CCDC73: variants seen among roughly 807,000 people sequenced by gnomAD.
CCDC73 encodes coiled-coil domain-containing protein 73.
In CCDC73, 95 loss-of-function variants were observed where a neutral mutation model predicts 116.5. That is an observed-to-expected ratio of 0.82 (90% CI 0.69 to 0.97). The LOEUF is 0.97. CCDC73 is among the 50% of genes least tolerant of loss of function. The probability of loss-of-function intolerance (pLI) is 0.00; values close to 1 mark genes in which losing one functional copy is unlikely to be tolerated. For missense variants in CCDC73, 1,066 were observed against 1,206.8 expected (o/e 0.88, Z 1.73); for synonymous variants, 398 against 401.3 (o/e 0.99, Z 0.10).
the CCDC73 span, among the ~76,000 whole-genome samples, chr11:32,803,626 C>T: frequency 1.3e-5 from 2 of 152,022 alleles, no homozygotes; most frequent in Admixed American, 1.3e-4. Context: ...ATTGCCATGC[C>T]TGAAATAGTA....
At chr11:32,828,620 C>T in the CCDC73 span, among the ~76,000 whole-genome samples, 6 of 152,020 alleles carry the variant, frequency 3.9e-5, no homozygotes, top group Non-Finnish European at 8.8e-5. Flanking sequence ...CTGTTAAGCA[C>T]GTTCTTTGGA....
At position 32,628,527 on chromosome 11, in the gene CCDC73, C is replaced by CT. The variant is rs550813953; in HGVS notation, c.1185+7168dup. On this transcript the variant is annotated intron_variant, in intron 14 of 17. Transcript: ENST00000335185. ...GAGCTCCCACAGGTCTAGGTAAACT[C>CT]TGAGTTCCAACAAGCCAGAGAGGAA... Among the ~76,000 whole-genome samples the CT allele has an allele frequency of 8.1e-4, 124 of 152,314 alleles. 2 individuals carry two copies. The East Asian group carries it at 0.015, about 19-fold the overall frequency.
chr11:32,643,534 A>AGGAGCAATAAGCTAT (rs1855751301), intron 12 of CCDC73, among the ~76,000 whole-genome samples: 1 of 152,168 alleles, frequency 6.6e-6, no homozygotes, highest in Non-Finnish European at 1.5e-5. Flanking sequence ...CTATGCTACA[A>AGGAGCAATAAGCTAT]ACCTGTACAG....
chr11:32,672,886 C>T (rs1286783853), intron 9 of CCDC73, among the ~76,000 whole-genome samples: 1 of 152,170 alleles, frequency 6.6e-6, no homozygotes, highest in Non-Finnish European at 1.5e-5. Context: ...TATGCTTTTA[C>T]TTTCTGATCC....
Position 32,673,725 on chromosome 11 carries a change from C to T in CCDC73, c.645+1840G>A, listed in dbSNP as rs1016073309. 5.3e-5 allele frequency among the ~76,000 whole-genome samples: 8 copies of T among 152,254 alleles called. No individual in the cohort carries two copies. The East Asian group carries it at 5.8e-4, about 11-fold the overall frequency. On this transcript the variant is annotated intron_variant, in intron 9 of 17. Transcript: ENST00000335185. ...AAACAAGTGTATGTCAGAATCCCAA[C>T]GGAAACAGATGGCAAACATCAACTA...
chr11:32,613,274 A>T, intron 16 of CCDC73, 148 bp downstream of exon 16: 1 of 692,378 alleles, frequency 1.4e-6, no homozygotes. Context: ...ATTTGCTCTA[A>T]AAGTTAAAAA....
intron 14 of CCDC73, among the ~76,000 whole-genome samples, chr11:32,625,679 G>C (rs1855564896): frequency 6.6e-6 from 1 of 152,072 alleles, no homozygotes; most frequent in Non-Finnish European, 1.5e-5. Flanking sequence ...TTCAACATAT[G>C]CAAATCAATA....
At chr11:32,752,537 G>A (rs1383575836) in intron 2 of CCDC73, among the ~76,000 whole-genome samples, 1 of 152,026 alleles carries the variant, frequency 6.6e-6, no homozygotes, top group African/African-American at 2.4e-5. Context: ...AAATACAGTC[G>A]TACTCATTCC....
Position 32,785,229 on chromosome 11 carries a change from T to C in CCDC73, c.-16+9384A>G, listed in dbSNP as rs576499646. ...AATAGACCAGCAATCTCCTCACATA[T>C]GGTAAGTTTTATAAAACTCTTGTTT... is the stretch of plus-strand genomic sequence containing the variant. On this transcript the variant is annotated intron_variant, in intron 1 of 17. Coordinates refer to ENST00000335185, the MANE Select transcript of CCDC73 (RefSeq NM_001008391.4). 3.9e-4 allele frequency among the ~76,000 whole-genome samples: 59 copies of C among 152,214 alleles called. No homozygotes were observed. The South Asian group carries it at 7.9e-3, about 20-fold the overall frequency.
chr11:32,698,712 T>C (rs1435082089), intron 6 of CCDC73, among the ~76,000 whole-genome samples: 1 of 152,254 alleles, frequency 6.6e-6, no homozygotes, highest in African/African-American at 2.4e-5. Flanking sequence ...CAGAGATTTT[T>C]GTCTTGTTTA....
chr11:32,654,389 G>T (rs1211514215), intron 10 of CCDC73, among the ~76,000 whole-genome samples: 1 of 152,110 alleles, frequency 6.6e-6, no homozygotes, highest in African/African-American at 2.4e-5. Context: ...GGCCAAGCTG[G>T]TCTTGAACTC....
intron 2 of CCDC73, among the ~76,000 whole-genome samples, chr11:32,755,771 A>G (rs1216804441): frequency 6.3e-5 from 7 of 111,742 alleles, no homozygotes; most frequent in South Asian, 2.7e-4. Context: ...CTCCATATAT[A>G]TGTGTATATA....
intron 2 of CCDC73, among the ~76,000 whole-genome samples, chr11:32,719,037 A>G (rs542412843): frequency 9.8e-5 from 15 of 152,312 alleles, no homozygotes; most frequent in Admixed American, 2.0e-4. Flanking sequence ...AGTAAAAAGA[A>G]CAAGGAGATA....
chr11:32,655,099 T>TGTATTTTCCCCAGG, intron 9 of CCDC73, 127 bp from the exon 10 acceptor site: 1 of 72,298 alleles, frequency 1.4e-5, no homozygotes, highest in Non-Finnish European at 2.6e-5. Flanking sequence ...CCCTTGCAAG[T>TGTATTTTCCCCAGG]TCCCTTGCAA....
At chr11:32,757,079 T>C (rs930292386) in intron 2 of CCDC73, among the ~76,000 whole-genome samples, 1 of 152,062 alleles carries the variant, frequency 6.6e-6, no homozygotes, top group African/African-American at 2.4e-5. Flanking sequence ...CAACAAACTA[T>C]GGTACATTTA....
At chr11:32,656,006 G>A (rs1256610232) in intron 9 of CCDC73, among the ~76,000 whole-genome samples, 1 of 151,986 alleles carries the variant, frequency 6.6e-6, no homozygotes, top group Non-Finnish European at 1.5e-5. Flanking sequence ...CACAGTATCT[G>A]AACTCCCTTA....
chr11:32,636,919 C>A (rs900453385), intron 13 of CCDC73, among the ~76,000 whole-genome samples: 11 of 152,112 alleles, frequency 7.2e-5, no homozygotes, highest in Middle Eastern at 6.8e-3. Context: ...TCACACTACA[C>A]CAGCATCTTC....
intron 7 of CCDC73, among the ~76,000 whole-genome samples, chr11:32,678,155 T>C (rs1200548478): frequency 6.6e-6 from 1 of 151,982 alleles, no homozygotes; most frequent in Admixed American, 6.6e-5. Flanking sequence ...AGCGGGCACC[T>C]GTAATCCCAG....
At chr11:32,641,717 A>G (rs531265822) in intron 13 of CCDC73, among the ~76,000 whole-genome samples, 3 of 148,760 alleles carry the variant, frequency 2.0e-5, no homozygotes, top group East Asian at 3.9e-4. Context: ...ATGTGTGTGT[A>G]TATATATATA....
Sources: gnomAD v4.1 joint callset for allele counts (sites outside exome capture counted in the v4.1 genomes callset) on GRCh38, gnomAD v4.1.1 for gene constraint, MANE v1.5 for transcripts, NCBI Gene and HGNC (gene_info 2026-07-23, HGNC 2026-07-21) for gene names.